The following BANP variants were observed in gnomAD, a reference collection of about 807,000 sequenced individuals.
BANP encodes BTG3 associated nuclear protein, also known as protein BANP.
In BANP, 11 loss-of-function variants were observed where a neutral mutation model predicts 68.1. The observed-to-expected ratio is 0.16, with a 90% CI of 0.10 to 0.27. BANP has a LOEUF of 0.27. Ranked by LOEUF, BANP falls within the 10% of genes least tolerant of loss-of-function variation. BANP has a pLI of 1.00. For missense variants in BANP, 504 were observed against 722.7 expected, an observed-to-expected ratio of 0.70 and a Z score of 3.47; for synonymous variants, 329 against 303.2, an observed-to-expected ratio of 1.09 and a Z score of -0.88.
Position 88,006,103 on chromosome 16 carries a change from C to G in BANP, c.493C>G (p.Arg165Gly), listed in dbSNP as rs757868342. 6.2e-7 allele frequency: 1 copy of G among 1,613,802 alleles called. No homozygotes were observed. The highest frequency in any genetic ancestry group is 8.5e-7 in the Non-Finnish European group (1 of 1,179,868). The change falls in exon 6 of 14, where the codon CGT becomes GGT. Residue 165 changes from arginine to glycine, a missense_variant. Around this residue, in one of 3 missense-constraint regions of BANP, gnomAD observed 238 missense variants for 278.9 expected, o/e 0.85. Coordinates refer to ENST00000682872, the MANE Select transcript of BANP (RefSeq NM_001386991.1). Reference sequence around the variant, plus strand: ...TTTCCCGTTTAGCGCTGTGCCTGGGCGTCGGCAGAACACCATTGTGGTGAA... The same window carrying G: ...TTTCCCGTTTAGCGCTGTGCCTGGGGGTCGGCAGAACACCATTGTGGTGAA... Reference protein sequence around the residue: ...ENVISNAVPGRRQNTIVVKVP... With the variant: ...ENVISNAVPGGRQNTIVVKVP...
At chr16:88,048,470 C>G (rs114499095) in intron 11 of BANP, among the ~76,000 whole-genome samples, 2 of 151,674 alleles carry the variant, frequency 1.3e-5, no homozygotes, top group Non-Finnish European at 2.9e-5. Context: ...GAAAGGACAT[C>G]GATTCTAACA....
intron 1 of BANP, among the ~76,000 whole-genome samples, chr16:87,971,898 T>A (rs1310213723): frequency 2.0e-5 from 3 of 152,128 alleles, no homozygotes; most frequent in Admixed American, 6.5e-5. Flanking sequence ...ACTCAAGTGA[T>A]TTTCCCACCT....
chr16:87,955,243 C>T (rs1009856275), intron 1 of BANP, among the ~76,000 whole-genome samples: 1 of 151,788 alleles, frequency 6.6e-6, no homozygotes, highest in African/African-American at 2.4e-5. Context: ...CTGCCAGAGC[C>T]TTGCCAGCCG....
chr16:87,950,431 AC>A (rs1264405244), upstream of BANP: 3 of 137,360 alleles, frequency 2.2e-5, no homozygotes, highest in Non-Finnish European at 3.1e-5. Flanking sequence ...GTGCACATTC[AC>A]GTCATCACTT....
chr16:88,013,766 G>A (rs1181701696), intron 6 of BANP, among the ~76,000 whole-genome samples: 1 of 152,206 alleles, frequency 6.6e-6, no homozygotes, highest in Non-Finnish European at 1.5e-5. Flanking sequence ...GCCTCTGATT[G>A]GTTGGGCCCA....
At chr16:87,959,329 A>G (rs2058675470) in intron 1 of BANP, among the ~76,000 whole-genome samples, 1 of 152,264 alleles carries the variant, frequency 6.6e-6, no homozygotes, top group African/African-American at 2.4e-5. Flanking sequence ...CCTGGCTCAC[A>G]GGCTGCATAG....
chr16:88,012,612 A>C (rs2073458879), intron 6 of BANP, among the ~76,000 whole-genome samples: 1 of 152,210 alleles, frequency 6.6e-6, no homozygotes, highest in African/African-American at 2.4e-5. Context: ...TAACGTGTGG[A>C]ATCCCAGGGA....
At chr16:87,983,450 G>T (rs556562054) in intron 3 of BANP, among the ~76,000 whole-genome samples, 1 of 152,230 alleles carries the variant, frequency 6.6e-6, no homozygotes, top group East Asian at 1.9e-4. Flanking sequence ...TTTGGGGTCC[G>T]GCACGTGACT....
At chr16:87,983,901 A>C (rs995173058) in intron 3 of BANP, among the ~76,000 whole-genome samples, 159 bp from the exon 4 acceptor site, 17 of 152,150 alleles carry the variant, frequency 1.1e-4, no homozygotes, top group African/African-American at 4.1e-4. Context: ...TGTTACTCAC[A>C]TGTTTCTGGC....
At position 88,076,737 on chromosome 16, in the gene BANP, C is replaced by T; in HGVS notation, c.*76C>T. On this transcript the variant is annotated 3_prime_UTR_variant, in exon 14 of 14. Transcript: ENST00000682872. ...CCCCCACGCGCCCTGCTCTCACGGC[C>T]TCGGCACAGGCAGCGGCTGCACGTG... The T allele has an allele frequency of 1.6e-6, 2 of 1,258,162 alleles. No individual in the cohort carries two copies. Among genetic ancestry groups the T allele is most frequent in the Non-Finnish European group, 2.2e-6 (2 of 913,114 alleles). 77.9% of individuals were successfully genotyped at this position (1,258,162 alleles called of 1,614,324 possible). A position where few individuals can be genotyped will look rare whatever the true frequency, so the allele number is the denominator to read the frequency against.
At chr16:87,951,915 C>T (rs943706693) in intron 1 of BANP, among the ~76,000 whole-genome samples, 20 of 152,154 alleles carry the variant, frequency 1.3e-4, no homozygotes, top group African/African-American at 4.8e-4. Flanking sequence ...CCGAAGTCTC[C>T]CAAGGGGGTC....
Position 88,003,666 on chromosome 16 carries a change from G to A in BANP, c.363-629G>A. 1.0e-5 allele frequency: 4 copies of A among 382,118 alleles called. No homozygotes were observed. Among genetic ancestry groups the A allele is most frequent in the South Asian group, 5.9e-5 (3 of 51,220 alleles). 23.7% of individuals were successfully genotyped at this position (382,118 alleles called of 1,614,324 possible). A position where few individuals can be genotyped will look rare whatever the true frequency, so the allele number is the denominator to read the frequency against. Reference sequence around the variant, plus strand: ...CAGGCTTGCTGGTTTCTGGGCCATGGTCTGTTCTTTTGTAGAATCTTTTCC... The same window carrying A: ...CAGGCTTGCTGGTTTCTGGGCCATGATCTGTTCTTTTGTAGAATCTTTTCC... On this transcript the variant is annotated intron_variant, in intron 4 of 13. Coordinates refer to ENST00000682872, the MANE Select transcript of BANP (RefSeq NM_001386991.1). The surrounding 1 kb of genome is among the most constrained non-coding windows in gnomAD (Gnocchi z 6.1).
intron 2 of BANP, among the ~76,000 whole-genome samples, chr16:87,977,418 CA>C (rs56077067): frequency 3.5e-5 from 5 of 140,880 alleles, no homozygotes; most frequent in East Asian, 2.1e-4. Flanking sequence ...GACTCCGTCT[CA>C]AAAAAAAAAA....
At chr16:88,056,528 T>C (rs1007007713) in intron 11 of BANP, among the ~76,000 whole-genome samples, 2 of 152,056 alleles carry the variant, frequency 1.3e-5, no homozygotes, top group Admixed American at 6.5e-5. Context: ...TTCAGTGTTT[T>C]ACTCAGTTGA....
At chr16:87,973,996 G>T (rs1262866606) in intron 1 of BANP, among the ~76,000 whole-genome samples, 1 of 152,182 alleles carries the variant, frequency 6.6e-6, no homozygotes, top group Non-Finnish European at 1.5e-5. Context: ...TGCGATGGGG[G>T]TTGTGGTTAG....
chr16:87,998,401 C>G (rs1472437974), intron 4 of BANP, among the ~76,000 whole-genome samples: 2 of 152,160 alleles, frequency 1.3e-5, no homozygotes, highest in African/African-American at 2.4e-5. Flanking sequence ...AGGTTAATAG[C>G]TTCTCTGCGT....
At chr16:87,990,215 A>G (rs1043796332) in intron 4 of BANP, among the ~76,000 whole-genome samples, 2 of 152,230 alleles carry the variant, frequency 1.3e-5, no homozygotes, top group African/African-American at 4.8e-5. Flanking sequence ...GTTTATCTTT[A>G]AGAACATTAA....
At chr16:88,014,049 C>A (rs559913284) in intron 6 of BANP, among the ~76,000 whole-genome samples, 1 of 152,298 alleles carries the variant, frequency 6.6e-6, no homozygotes, top group East Asian at 1.9e-4. Flanking sequence ...GCGGGAGATT[C>A]CTGGGAGGAC....
intron 1 of BANP, among the ~76,000 whole-genome samples, chr16:87,960,750 GAGTTGT>G (rs2058981358): frequency 6.6e-6 from 1 of 152,228 alleles, no homozygotes; most frequent in African/African-American, 2.4e-5. Flanking sequence ...GGGATTATTT[GAGTTGT>G]AGTTGAACTA....
Sources: gnomAD v4.1 joint callset for allele counts (sites outside exome capture counted in the v4.1 genomes callset) on GRCh38, gnomAD v4.1.1 for gene constraint, gnomAD v4.1.1 regional missense constraint, Gnocchi (gnomAD v3.1) non-coding constraint, MANE v1.5 for transcripts, NCBI Gene and HGNC (gene_info 2026-07-23, HGNC 2026-07-21) for gene names.